Variants in BMP7 observed in about 807,000 individuals in gnomAD.
BMP7 encodes the protein bone morphogenetic protein 7.
Under a neutral mutation model 41.2 loss-of-function variants are expected in BMP7, and 12 were observed. That is an observed-to-expected ratio of 0.29 (90% CI 0.19 to 0.47). The LOEUF (loss-of-function observed/expected upper bound fraction) is 0.47, where lower values mean the gene tolerates loss of function less well. Ranked by LOEUF, BMP7 falls within the 20% of genes least tolerant of loss-of-function variation. The probability of loss-of-function intolerance (pLI) is 0.99; values close to 1 mark genes in which losing one functional copy is unlikely to be tolerated. For synonymous variants in BMP7, 248 were observed against 250.0 expected (o/e 0.99, Z 0.07); for missense variants, 467 against 606.0 (o/e 0.77, Z 2.41).
intron 2 of BMP7, among the ~76,000 whole-genome samples, chr20:57,211,072 C>T (rs998199773): frequency 1.2e-4 from 19 of 152,314 alleles, no homozygotes; most frequent in Middle Eastern, 3.4e-3. Context: ...TTGGAAGGGC[C>T]GCATGTGGAA....
chr20:57,265,042 A>AAAAAAAG (rs1555819055), intron 1 of BMP7, among the ~76,000 whole-genome samples: 2,904 of 119,998 alleles, frequency 0.024, 103 homozygotes, highest in African/African-American at 0.079. Flanking sequence ...AAAAAAAAAA[A>AAAAAAAG]AAAAGAAAAG....
intron 3 of BMP7, among the ~76,000 whole-genome samples, chr20:57,193,639 T>C (rs1240421076): frequency 6.6e-6 from 1 of 152,244 alleles, no homozygotes; most frequent in Non-Finnish European, 1.5e-5. Flanking sequence ...TTCATTCCTT[T>C]TTGCTGTATG....
At chr20:57,260,745 T>A (rs1395869503) in intron 1 of BMP7, among the ~76,000 whole-genome samples, 1 of 152,110 alleles carries the variant, frequency 6.6e-6, no homozygotes, top group Non-Finnish European at 1.5e-5. Flanking sequence ...ACATGACAGG[T>A]CCCACACATC....
rs781769899 is a variant in BMP7 at position 57,261,656 on chromosome 20, C to T, written c.418+4049G>A. Among the ~76,000 whole-genome samples, 19 of 152,186 alleles carry T rather than the reference C, an allele frequency of 1.2e-4. No homozygotes were observed. The highest frequency in any genetic ancestry group is 1.9e-4 in the Non-Finnish European group (13 of 68,026). On this transcript the variant is annotated intron_variant, in intron 1 of 6. Transcript: ENST00000395863. The surrounding 1 kb of genome is among the most constrained non-coding windows in gnomAD (Gnocchi z 4.1). ...AAGAAAGAAGGGGGGAGCTGTGTGACATCTATATTAACCTTTGGCTGCTCA... is the reference window on the plus strand; with the variant it reads ...AAGAAAGAAGGGGGGAGCTGTGTGATATCTATATTAACCTTTGGCTGCTCA...
chr20:57,220,013 G>A (rs959851663), intron 2 of BMP7, among the ~76,000 whole-genome samples: 1 of 152,160 alleles, frequency 6.6e-6, no homozygotes, highest in Non-Finnish European at 1.5e-5. Flanking sequence ...GGAGGGAAAG[G>A]GATCCATTAG....
intron 1 of BMP7, among the ~76,000 whole-genome samples, chr20:57,230,880 T>C (rs1420262344): frequency 6.6e-6 from 1 of 151,862 alleles, no homozygotes; most frequent in African/African-American, 2.4e-5. Context: ...ATTTTCACCA[T>C]GTTAGCCAGG....
intron 3 of BMP7, among the ~76,000 whole-genome samples, chr20:57,200,703 G>A (rs1350892318): frequency 1.3e-5 from 2 of 152,214 alleles, no homozygotes; most frequent in Non-Finnish European, 2.9e-5. Context: ...GCTGAAGCAG[G>A]AGAATCGCTT....
At chr20:57,176,989 C>A (rs1158896655) in intron 4 of BMP7, among the ~76,000 whole-genome samples, 1 of 152,176 alleles carries the variant, frequency 6.6e-6, no homozygotes, top group Non-Finnish European at 1.5e-5. Flanking sequence ...GCCTTACTTT[C>A]TTCATCTGTA....
intron 2 of BMP7, among the ~76,000 whole-genome samples, chr20:57,206,952 A>G (rs531838476): frequency 2.1e-4 from 32 of 152,388 alleles, no homozygotes; most frequent in African/African-American, 7.5e-4. Context: ...AATTTGTCAG[A>G]AAAGTGTCCT....
At position 57,214,572 on chromosome 20, in the gene BMP7, GC is replaced by G. The variant is rs151123100; in HGVS notation, c.612-11950del. Reference sequence around the variant, plus strand: ...CCCTCCTCATCTGTGCCAGTCTCCAGCCCACCACAGCCCCTCACACATGCTG... The same window carrying G: ...CCCTCCTCATCTGTGCCAGTCTCCAGCCACCACAGCCCCTCACACATGCTG... On this transcript the variant is annotated intron_variant, in intron 2 of 6. Coordinates refer to ENST00000395863, the MANE Select transcript of BMP7 (RefSeq NM_001719.3). The surrounding 1 kb of genome is among the most constrained non-coding windows in gnomAD (Gnocchi z 4.0). Among the ~76,000 whole-genome samples, 33 of 151,862 alleles carry G rather than the reference GC, an allele frequency of 2.2e-4. 1 individual carries two copies. Among genetic ancestry groups the G allele is most frequent in the African/African-American group, 8.0e-4 (33 of 41,420 alleles).
At chr20:57,244,404 G>C (rs2066081454) in intron 1 of BMP7, among the ~76,000 whole-genome samples, 1 of 152,238 alleles carries the variant, frequency 6.6e-6, no homozygotes, top group Non-Finnish European at 1.5e-5. Context: ...AGCTTCTCCG[G>C]AGACTTAGTG....
chr20:57,192,051 A>G (rs1193296502), intron 3 of BMP7, among the ~76,000 whole-genome samples: 38 of 122,696 alleles, frequency 3.1e-4, no homozygotes, highest in African/African-American at 1.3e-3. Flanking sequence ...ATAGTATATT[A>G]TATAATATAT....
chr20:57,182,999 C>T (rs1257319319), intron 4 of BMP7, among the ~76,000 whole-genome samples: 2 of 152,362 alleles, frequency 1.3e-5, no homozygotes, highest in South Asian at 2.1e-4. Context: ...CTTTGGGAGG[C>T]CAAGGCAGGT....
At chr20:57,182,269 C>A (rs1373316774) in intron 4 of BMP7, among the ~76,000 whole-genome samples, 2 of 152,128 alleles carry the variant, frequency 1.3e-5, no homozygotes, top group African/African-American at 4.8e-5. Context: ...CCACAGATGC[C>A]CACAGTGCCA....
intron 2 of BMP7, among the ~76,000 whole-genome samples, chr20:57,207,811 GT>G (rs572613876): frequency 1.3e-3 from 139 of 109,926 alleles, no homozygotes; most frequent in South Asian, 4.5e-3. Flanking sequence ...ACCCCAGTTG[GT>G]TTTTTTTTTT....
rs201635368 is a variant in BMP7, at chr20:57,171,092, G to A, written c.1163C>T (p.Pro388Leu). The A allele has an allele frequency of 2.5e-6, 4 of 1,614,214 alleles. No homozygotes were observed. Among genetic ancestry groups the A allele is most frequent in the Non-Finnish European group, 1.7e-6 (2 of 1,180,042 alleles). Residue 388 changes from proline to leucine, a missense_variant, in exon 7 of 7, where the codon CCG (proline) becomes CTG (leucine). By Grantham distance (98) the Pro-to-Leu change is moderately conservative. Around this residue, in one of 2 missense-constraint regions of BMP7, gnomAD observed 60 missense variants for 120.1 expected, o/e 0.50. Coordinates refer to ENST00000395863, the MANE Select transcript of BMP7 (RefSeq NM_001719.3). The surrounding 1 kb of genome is among the most constrained non-coding windows in gnomAD (Gnocchi z 4.5). ...IVQTLVHFIN[P>L]ETVPKPCCAP... ...ACAGCAGGGCTTGGGCACCGTTTCC[G>A]GGTTGATGAAGTGGACCTGAAACAC...
At chr20:57,252,935 G>A (rs1305110319) in intron 1 of BMP7, among the ~76,000 whole-genome samples, 1 of 152,170 alleles carries the variant, frequency 6.6e-6, no homozygotes, top group Non-Finnish European at 1.5e-5. Context: ...GGCTAGGAAT[G>A]CTGCCAAACA....
At chr20:57,231,527 G>T (rs778493947) in intron 1 of BMP7, among the ~76,000 whole-genome samples, 4 of 152,246 alleles carry the variant, frequency 2.6e-5, no homozygotes, top group Non-Finnish European at 5.9e-5. Flanking sequence ...AGGTGGCACA[G>T]TCTTGGGACA....
chr20:57,247,526 C>T (rs1427397506), intron 1 of BMP7, among the ~76,000 whole-genome samples: 2 of 152,194 alleles, frequency 1.3e-5, no homozygotes, highest in African/African-American at 4.8e-5. Flanking sequence ...TCATCTCCTC[C>T]AACCAACGGG....
Sources: allele counts gnomAD v4.1 joint callset (sites outside exome capture counted in the v4.1 genomes callset), GRCh38; gene constraint gnomAD v4.1.1; regional missense constraint gnomAD v4.1.1; non-coding constraint Gnocchi (gnomAD v3.1); transcripts MANE v1.5; gene names NCBI Gene and HGNC (gene_info 2026-07-23, HGNC 2026-07-21).